The following UNC5D variants were observed in gnomAD, a reference collection of about 807,000 sequenced individuals.
UNC5D encodes netrin receptor UNC5D.
In UNC5D, 39 loss-of-function variants were observed where a neutral mutation model predicts 105.4. That is an observed-to-expected ratio of 0.37 (90% CI 0.29 to 0.48). The LOEUF is 0.48. UNC5D is among the 20% of genes least tolerant of loss of function. The pLI is 0.98. For missense variants in UNC5D, 991 were observed against 1,202.4 expected (o/e 0.82, Z 2.60); for synonymous variants, 452 against 450.4 (o/e 1.00, Z -0.04).
chr8:35,744,924 G>C (rs759110632), intron 11 of UNC5D, among the ~76,000 whole-genome samples: 1 of 152,054 alleles, frequency 6.6e-6, no homozygotes, highest in Non-Finnish European at 1.5e-5. Context: ...ATGGTAGTAT[G>C]TGCCTATAAT....
At chr8:35,505,255 G>A (rs1380614416) in intron 1 of UNC5D, among the ~76,000 whole-genome samples, 1 of 152,194 alleles carries the variant, frequency 6.6e-6, no homozygotes, top group African/African-American at 2.4e-5. Context: ...TGGGATAAAT[G>A]TGGCAAGGCT....
At chr8:35,717,683 GA>G (rs1223165762) in intron 8 of UNC5D, among the ~76,000 whole-genome samples, 1 of 152,172 alleles carries the variant, frequency 6.6e-6, no homozygotes, top group Non-Finnish European at 1.5e-5. Flanking sequence ...CCTCATTGTA[GA>G]AAAGGTCATG....
At chr8:35,408,834 A>C (rs938323689) in intron 1 of UNC5D, among the ~76,000 whole-genome samples, 1 of 152,036 alleles carries the variant, frequency 6.6e-6, no homozygotes, top group Non-Finnish European at 1.5e-5. Context: ...ACAGTAAAGC[A>C]TATAGCTCTA....
intron 1 of UNC5D, among the ~76,000 whole-genome samples, chr8:35,314,450 A>G (rs370663865): frequency 1.3e-5 from 2 of 152,288 alleles, no homozygotes; most frequent in East Asian, 3.9e-4. Flanking sequence ...AAACATCCAT[A>G]TCATGTAAGA....
At chr8:35,450,349 A>G (rs1231593475) in intron 1 of UNC5D, among the ~76,000 whole-genome samples, 1 of 152,164 alleles carries the variant, frequency 6.6e-6, no homozygotes, top group Non-Finnish European at 1.5e-5. Context: ...TAATCCTCAA[A>G]AAGATAGACC....
chr8:35,409,509 A>G (rs962196919), intron 1 of UNC5D, among the ~76,000 whole-genome samples: 3 of 151,578 alleles, frequency 2.0e-5, no homozygotes, highest in African/African-American at 7.3e-5. Flanking sequence ...GAGGTTGAGG[A>G]TTTTTAATAT....
At chr8:35,558,828 C>A (rs539655190) in intron 2 of UNC5D, among the ~76,000 whole-genome samples, 1 of 152,154 alleles carries the variant, frequency 6.6e-6, no homozygotes, top group African/African-American at 2.4e-5. Context: ...ACTAAAAACA[C>A]AAAAATTAGG....
intron 1 of UNC5D, among the ~76,000 whole-genome samples, chr8:35,528,295 T>C (rs1814050613): frequency 6.6e-6 from 1 of 150,612 alleles, no homozygotes; most frequent in Non-Finnish European, 1.5e-5. Context: ...GAATATGCAG[T>C]GTTTGGTTTT....
At chr8:35,629,278 C>T (rs1821886083) in intron 4 of UNC5D, among the ~76,000 whole-genome samples, 1 of 152,064 alleles carries the variant, frequency 6.6e-6, no homozygotes, top group Admixed American at 6.6e-5. Context: ...TTTTAATTTG[C>T]ATTTCTCTGA....
intron 1 of UNC5D, among the ~76,000 whole-genome samples, chr8:35,245,466 C>T (rs1184501615): frequency 6.6e-6 from 1 of 151,848 alleles, no homozygotes; most frequent in Non-Finnish European, 1.5e-5. Context: ...CAGCTTGTAT[C>T]GGGAGGTTTC....
Position 35,259,894 on chromosome 8 carries a change from C to T in UNC5D, c.103+24007C>T, listed in dbSNP as rs142475009. Among the ~76,000 whole-genome samples, 762 of 152,062 alleles carry T rather than the reference C, an allele frequency of 5.0e-3. 3 individuals carry two copies. The highest frequency in any genetic ancestry group is 0.024 in the Middle Eastern group (7 of 294). On this transcript the variant is annotated intron_variant, in intron 1 of 16. Coordinates refer to ENST00000404895, the MANE Select transcript of UNC5D (RefSeq NM_080872.4). ...TACACATTTGGAAAGTGAAACTGTT[C>T]CGCTGTAGCTGGAATTTGATTTTTA... is the stretch of plus-strand genomic sequence containing the variant.
chr8:35,471,233 C>G (rs1217680950), intron 1 of UNC5D, among the ~76,000 whole-genome samples: 1 of 152,070 alleles, frequency 6.6e-6, no homozygotes, highest in Non-Finnish European at 1.5e-5. Flanking sequence ...TTTCAAGCCC[C>G]TAAGATCCAA....
At chr8:35,544,146 CG>C (rs1404222704) in intron 1 of UNC5D, among the ~76,000 whole-genome samples, 1 of 152,088 alleles carries the variant, frequency 6.6e-6, no homozygotes, top group African/African-American at 2.4e-5. Flanking sequence ...CTTAAATGAC[CG>C]AATCCGTGTA....
At chr8:35,384,807 C>T (rs1284991829) in intron 1 of UNC5D, among the ~76,000 whole-genome samples, 1 of 152,212 alleles carries the variant, frequency 6.6e-6, no homozygotes, top group Non-Finnish European at 1.5e-5. Flanking sequence ...TTCTTTATGA[C>T]TAAAGGTTTA....
chr8:35,461,309 T>C (rs1174817463), intron 1 of UNC5D, among the ~76,000 whole-genome samples: 1 of 152,174 alleles, frequency 6.6e-6, no homozygotes, highest in African/African-American at 2.4e-5. Context: ...TTGAACTCCC[T>C]ATCTGGCTTT....
intron 1 of UNC5D, among the ~76,000 whole-genome samples, chr8:35,446,699 G>C (rs1010450216): frequency 6.6e-6 from 1 of 152,066 alleles, no homozygotes; most frequent in African/African-American, 2.4e-5. Flanking sequence ...AAATTCTGAC[G>C]TGGAGCATCA....
At chr8:35,783,396 A>G (rs1300298105) in intron 16 of UNC5D, among the ~76,000 whole-genome samples, 1 of 152,208 alleles carries the variant, frequency 6.6e-6, no homozygotes, top group Non-Finnish European at 1.5e-5. Flanking sequence ...ACAAGCAGTC[A>G]CGGGAAGAGC....
Position 35,459,714 on chromosome 8 carries a change from T to C in UNC5D, c.104-89578T>C, listed in dbSNP as rs80293160. 8.7e-3 allele frequency among the ~76,000 whole-genome samples: 1,327 copies of C among 152,344 alleles called. 18 individuals carry two copies. Among genetic ancestry groups the C allele is most frequent in the Middle Eastern group, 0.037 (11 of 294 alleles). ...TTTGTTTTTAAATCATACTTCATTA[T>C]GGAGGATGGTGGAGTCAACTTGTAT... On this transcript the variant is annotated intron_variant, in intron 1 of 16. Transcript: ENST00000404895.
chr8:35,451,284 C>T (rs1446415039), intron 1 of UNC5D, among the ~76,000 whole-genome samples: 1 of 152,102 alleles, frequency 6.6e-6, no homozygotes, highest in Non-Finnish European at 1.5e-5. Flanking sequence ...CTCAGGTGAT[C>T]CGCCTGCCTC....
Sources: allele counts gnomAD v4.1 joint callset (sites outside exome capture counted in the v4.1 genomes callset), GRCh38; gene constraint gnomAD v4.1.1; transcripts MANE v1.5; gene names NCBI Gene and HGNC (gene_info 2026-07-23, HGNC 2026-07-21).